The following LIN28B variants were observed in gnomAD, a reference collection of about 807,000 sequenced individuals.
LIN28B encodes lin-28 RNA binding posttranscriptional regulator B.
A neutral mutation model predicts 21.9 loss-of-function variants in LIN28B; 5 were observed. The observed-to-expected ratio is 0.23, with a 90% CI of 0.12 to 0.48. The LOEUF is 0.48. Ranked by LOEUF, LIN28B falls within the 20% of genes least tolerant of loss-of-function variation. The pLI is 0.98. For synonymous variants in LIN28B, 109 were observed against 111.3 expected, an observed-to-expected ratio of 0.98 and a Z score of 0.13; for missense variants, 245 against 310.5, an observed-to-expected ratio of 0.79 and a Z score of 1.58.
chr6:105,052,037 G>T (rs1039444882), intron 3 of LIN28B, among the ~76,000 whole-genome samples: 2 of 152,326 alleles, frequency 1.3e-5, no homozygotes, highest in Middle Eastern at 3.4e-3. Context: ...TCTGAGCAGA[G>T]ACATGAATGA....
At chr6:104,998,452 A>G (rs145176677) in intron 2 of LIN28B, among the ~76,000 whole-genome samples, 1 of 152,262 alleles carries the variant, frequency 6.6e-6, no homozygotes, top group African/African-American at 2.4e-5. Flanking sequence ...GTTTATTGTT[A>G]AAATATAGAC....
At chr6:104,991,332 C>CA (rs1253311259) in intron 2 of LIN28B, among the ~76,000 whole-genome samples, 2 of 151,360 alleles carry the variant, frequency 1.3e-5, no homozygotes, top group Non-Finnish European at 2.9e-5. Context: ...CCTCACCTCT[C>CA]AGAGTGGGCG....
upstream of LIN28B, among the ~76,000 whole-genome samples, chr6:104,956,426 A>G (rs537749993): frequency 3.8e-4 from 58 of 152,308 alleles, no homozygotes; most frequent in African/African-American, 1.3e-3. Context: ...AAATTTTCCA[A>G]AATGGTTTAC....
chr6:105,052,878 A>T (rs1771935797), intron 3 of LIN28B, among the ~76,000 whole-genome samples: 1 of 151,564 alleles, frequency 6.6e-6, no homozygotes, highest in Non-Finnish European at 1.5e-5. Flanking sequence ...TTTCTATTTC[A>T]TTGGTTTCTG....
intron 3 of LIN28B, among the ~76,000 whole-genome samples, chr6:105,050,671 G>T (rs558305526): frequency 1.4e-5 from 2 of 146,488 alleles, no homozygotes; most frequent in African/African-American, 5.1e-5. Flanking sequence ...CTTCTGGCTT[G>T]TAGAGTTTCT....
At chr6:104,994,542 T>C (rs929430806) in intron 2 of LIN28B, among the ~76,000 whole-genome samples, 1 of 152,190 alleles carries the variant, frequency 6.6e-6, no homozygotes, top group African/African-American at 2.4e-5. Context: ...AAAAGTGACA[T>C]AGATCCTGTT....
chr6:105,062,991 G>T (rs1195551338), intron 3 of LIN28B, among the ~76,000 whole-genome samples: 1 of 151,924 alleles, frequency 6.6e-6, no homozygotes, highest in Non-Finnish European at 1.5e-5. Context: ...CCTCATAAAA[G>T]GTAAAATACT....
At position 105,079,049 on chromosome 6, in the gene LIN28B, T is replaced by C. The variant is rs1458551570; in HGVS notation, c.*266T>C. The C allele has an allele frequency of 2.8e-6, 1 of 363,250 alleles. No homozygotes were observed. Among genetic ancestry groups the C allele is most frequent in the Non-Finnish European group, 5.0e-6 (1 of 200,360 alleles). The allele number at this position is 363,250 out of a possible 1,614,324, so 22.5% of individuals were successfully genotyped here. A position where few individuals can be genotyped will look rare whatever the true frequency, so the allele number is the denominator to read the frequency against. On this transcript the variant is annotated 3_prime_UTR_variant, in exon 4 of 4. Coordinates refer to ENST00000345080, the MANE Select transcript of LIN28B (RefSeq NM_001004317.4). ...GAGAGCCTGAGTCTGTGTGTGTACA[T>C]GAGGATTTTTATATAGGAATGTAGA...
intron 3 of LIN28B, among the ~76,000 whole-genome samples, chr6:105,063,504 C>A (rs1306710262): frequency 6.6e-6 from 1 of 151,848 alleles, no homozygotes; most frequent in African/African-American, 2.4e-5. Context: ...GGCATGGTGG[C>A]GCATGCCTGT....
Position 105,049,775 on chromosome 6 carries a change from A to G in LIN28B, c.383+23293A>G, listed in dbSNP as rs377698783. On this transcript the variant is annotated intron_variant, in intron 3 of 3. Transcript: ENST00000345080. ...TATGTAATGGCCTTCTTTGTCTCTT[A>G]TGATCTTTGTTGGTTTAAAGTCTGT... 2.9e-4 allele frequency among the ~76,000 whole-genome samples: 44 copies of G among 151,902 alleles called. No individual in the cohort carries two copies. In the South Asian group the frequency reaches 9.0e-3, roughly 31 times the overall value.
chr6:105,075,507 T>TA (rs1434503320), intron 3 of LIN28B, among the ~76,000 whole-genome samples: 2 of 152,178 alleles, frequency 1.3e-5, no homozygotes, highest in Non-Finnish European at 2.9e-5. Flanking sequence ...CTCCCCCTTT[T>TA]AAGGCTAAGC....
rs972517066 is a variant in LIN28B at position 105,051,038 on chromosome 6, G to T, written c.383+24556G>T. On this transcript the variant is annotated intron_variant, in intron 3 of 3. Transcript: ENST00000345080. ...GAGACCAGCCTAGACAACCAAGCAA[G>T]ACCTTAGATTAAAAAACAAAAGAAA... Among the ~76,000 whole-genome samples the T allele has an allele frequency of 1.7e-4, 25 of 151,044 alleles. 1 individual carries two copies. The highest frequency in any genetic ancestry group is 3.1e-4 in the Non-Finnish European group (21 of 67,936).
At chr6:104,969,391 T>A (rs1393163546) in intron 2 of LIN28B, among the ~76,000 whole-genome samples, 1 of 152,102 alleles carries the variant, frequency 6.6e-6, no homozygotes, top group Non-Finnish European at 1.5e-5. Flanking sequence ...ATTGCTTATC[T>A]TTTCCTTGGG....
intron 2 of LIN28B, among the ~76,000 whole-genome samples, chr6:104,996,347 T>G (rs894218188): frequency 1.3e-5 from 2 of 152,246 alleles, no homozygotes; most frequent in Admixed American, 6.5e-5. Context: ...TGTTCTTGTT[T>G]TTGTCTCTGT....
chr6:105,025,715 C>T (rs1160729044), intron 2 of LIN28B, among the ~76,000 whole-genome samples: 1 of 152,032 alleles, frequency 6.6e-6, no homozygotes, highest in Non-Finnish European at 1.5e-5. Flanking sequence ...TCAAGACCAG[C>T]TTGGGCAACA....
At chr6:105,068,282 G>T (rs1024992807) in intron 3 of LIN28B, among the ~76,000 whole-genome samples, 10 of 152,096 alleles carry the variant, frequency 6.6e-5, no homozygotes, top group African/African-American at 2.4e-4. Flanking sequence ...GCACATAGTA[G>T]ATATTCTTCA....
chr6:104,967,200 T>C (rs1191560447), intron 2 of LIN28B, among the ~76,000 whole-genome samples: 1 of 152,154 alleles, frequency 6.6e-6, no homozygotes, highest in Non-Finnish European at 1.5e-5. Flanking sequence ...TCATTTATCA[T>C]TATGGTATTT....
intron 3 of LIN28B, among the ~76,000 whole-genome samples, chr6:105,026,799 C>G (rs1411015293): frequency 6.6e-6 from 1 of 152,094 alleles, no homozygotes; most frequent in African/African-American, 2.4e-5. Context: ...TGCCAAACAC[C>G]TCACCTCTTT....
chr6:105,030,221 T>A (rs1771390747), intron 3 of LIN28B, among the ~76,000 whole-genome samples: 1 of 152,164 alleles, frequency 6.6e-6, no homozygotes, highest in Admixed American at 6.6e-5. Context: ...ACATAGAGAC[T>A]CCTGCATAGA....
Sources: allele counts gnomAD v4.1 joint callset (sites outside exome capture counted in the v4.1 genomes callset), GRCh38; gene constraint gnomAD v4.1.1; transcripts MANE v1.5; gene names NCBI Gene and HGNC (gene_info 2026-07-23, HGNC 2026-07-21).